KCNQ1: variants seen among roughly 807,000 people sequenced by gnomAD.
KCNQ1 encodes the protein potassium voltage-gated channel subfamily KQT member 1.
KCNQ1 carries 49 observed loss-of-function variants against 72.4 expected under a neutral mutation model. The observed-to-expected ratio is 0.68, with a 90% confidence interval of 0.54 to 0.86. KCNQ1 has a LOEUF of 0.86. Among genes scored for constraint, KCNQ1 ranks in the 40% least tolerant of loss-of-function variants. The pLI is 0.00. For missense variants in KCNQ1, 790 were observed against 945.1 expected, an observed-to-expected ratio of 0.84 and a Z score of 2.15; for synonymous variants, 450 against 412.6, an observed-to-expected ratio of 1.09 and a Z score of -1.10.
At position 2,565,209 on chromosome 11, in the gene KCNQ1, C is replaced by T. The variant is rs1032811799; in HGVS notation, c.478-5419C>T. 1.3e-5 allele frequency among the ~76,000 whole-genome samples: 2 copies of T among 152,168 alleles called. No homozygotes were observed. The highest frequency in any genetic ancestry group is 2.4e-5 in the African/African-American group (1 of 41,440). On this transcript the variant is annotated intron_variant, in intron 2 of 15. Coordinates refer to ENST00000155840, the MANE Select transcript of KCNQ1 (RefSeq NM_000218.3). This position sits in a 1 kb window ranked among gnomAD's most constrained non-coding sequence, Gnocchi z 5.6. ...AAATCGAGCGGCTGGTCATTTCACG[C>T]TTTAAAGGAGCTGTGGCATTCTACA...
rs1450182098 is a variant in KCNQ1 at position 2,673,140 on chromosome 11, A to G, written c.1514+11059A>G. 1 of 398,524 alleles carries G rather than the reference A, an allele frequency of 2.5e-6. No homozygotes were observed. Among genetic ancestry groups the G allele is most frequent in the African/African-American group, 2.1e-5 (1 of 48,612 alleles). 24.7% of individuals were successfully genotyped at this position (398,524 alleles called of 1,614,324 possible). On this transcript the variant is annotated intron_variant, in intron 11 of 15. Transcript: ENST00000155840. This position sits in a 1 kb window ranked among gnomAD's most constrained non-coding sequence, Gnocchi z 4.5. ...AGGCAGCATCAGGGCAGGGGTGCTG[A>G]CCATCCCTGACCCAAGCACGAGGAT...
rs922473928 is a variant in KCNQ1, at chr11:2,652,730, A to C, written c.1394-9231A>C. On this transcript the variant is annotated intron_variant, in intron 10 of 15. Coordinates refer to ENST00000155840, the MANE Select transcript of KCNQ1 (RefSeq NM_000218.3). This position sits in a 1 kb window ranked among gnomAD's most constrained non-coding sequence, Gnocchi z 5.9. ...CCGTTTCCTGGGCTCACTCACGCTC[A>C]GGGTTGACCCTGTCCTGGCTCTGTC... 2.5e-6 allele frequency: 1 copy of C among 398,848 alleles called. No homozygotes were observed. Among genetic ancestry groups the C allele is most frequent in the East Asian group, 3.6e-5 (1 of 28,072 alleles). 24.7% of individuals were successfully genotyped at this position (398,848 alleles called of 1,614,324 possible).
chr11:2,823,876 G>A (rs1417805199), intron 15 of KCNQ1, among the ~76,000 whole-genome samples: 5 of 152,172 alleles, frequency 3.3e-5, no homozygotes, highest in Admixed American at 2.6e-4. Flanking sequence ...AGCCGAGGGT[G>A]GGGTGAGAGC....
chr11:2,475,731 G>A lies in KCNQ1; in HGVS notation c.386+30247G>A, dbSNP rs1034632821. 3.3e-5 allele frequency among the ~76,000 whole-genome samples: 5 copies of A among 152,130 alleles called. No homozygotes were observed. The highest frequency in any genetic ancestry group is 7.2e-5 in the African/African-American group (3 of 41,416). ...ACCTGGTGGGGGGTAATTGAATCAC[G>A]GGGACGAGTCTTTCCTGTGCTGTTC... On this transcript the variant is annotated intron_variant, in intron 1 of 15. Transcript: ENST00000155840. This position sits in a 1 kb window ranked among gnomAD's most constrained non-coding sequence, Gnocchi z 5.8.
In KCNQ1 at chr11:2,767,010, C is replaced by T. The variant is rs1022536892; in HGVS notation, c.1515-1834C>T. ...TAGCCAACATGATCAAACCCTGTCT[C>T]TACTAAAAATACAAAAATTAGCTGG... On this transcript the variant is annotated intron_variant, in intron 11 of 15. Transcript: ENST00000155840. The surrounding 1 kb of genome is among the most constrained non-coding windows in gnomAD (Gnocchi z 4.6). Among the ~76,000 whole-genome samples the T allele has an allele frequency of 6.6e-6, 1 of 152,134 alleles. No individual in the cohort carries two copies. Among genetic ancestry groups the T allele is most frequent in the Non-Finnish European group, 1.5e-5 (1 of 68,010 alleles).
chr11:2,564,957 G>C lies in KCNQ1; in HGVS notation c.478-5671G>C, dbSNP rs1848224812. On this transcript the variant is annotated intron_variant, in intron 2 of 15. Transcript: ENST00000155840. This position sits in a 1 kb window ranked among gnomAD's most constrained non-coding sequence, Gnocchi z 4.5. Reference sequence around the variant, plus strand: ...GCCAAATCCTATTCCGTGGTAGGGAGGGACCACATCTTCCGTCTCCGTCGG... The same window carrying C: ...GCCAAATCCTATTCCGTGGTAGGGACGGACCACATCTTCCGTCTCCGTCGG... Among the ~76,000 whole-genome samples the C allele has an allele frequency of 6.6e-6, 1 of 152,198 alleles. No individual in the cohort carries two copies. The highest frequency in any genetic ancestry group is 1.5e-5 in the Non-Finnish European group (1 of 68,042).
At chr11:2,700,248 G>T (rs1054863204) in intron 11 of KCNQ1, among the ~76,000 whole-genome samples, 1 of 152,148 alleles carries the variant, frequency 6.6e-6, no homozygotes, top group Non-Finnish European at 1.5e-5. Context: ...GGCGCGAGCC[G>T]CCGCCCTCCC....
At position 2,816,943 on chromosome 11, in the gene KCNQ1, G is replaced by T. The variant is rs1364705659; in HGVS notation, c.1795-30824G>T. 1.3e-5 allele frequency among the ~76,000 whole-genome samples: 2 copies of T among 152,068 alleles called. No individual in the cohort carries two copies. The highest frequency in any genetic ancestry group is 2.9e-5 in the Non-Finnish European group (2 of 67,974). Reference sequence around the variant, plus strand: ...ACCCCTGGGCAGTGGCTGCCCCTCTGCCTCTGGAGGTCCCCTCCAAAACCT... The same window carrying T: ...ACCCCTGGGCAGTGGCTGCCCCTCTTCCTCTGGAGGTCCCCTCCAAAACCT... On this transcript the variant is annotated intron_variant, in intron 15 of 15. Transcript: ENST00000155840. This position sits in a 1 kb window ranked among gnomAD's most constrained non-coding sequence, Gnocchi z 6.8.
chr11:2,576,211 T>C (rs911756288), intron 6 of KCNQ1, among the ~76,000 whole-genome samples: 1 of 152,164 alleles, frequency 6.6e-6, no homozygotes, highest in Non-Finnish European at 1.5e-5. Context: ...CCTGGGAAGG[T>C]CCCTCCCCTT....
intron 2 of KCNQ1, among the ~76,000 whole-genome samples, chr11:2,529,830 G>A (rs1056189292): frequency 1.3e-5 from 2 of 151,748 alleles, no homozygotes; most frequent in Non-Finnish European, 1.5e-5. Flanking sequence ...TTCTGTGGGC[G>A]GGCCGGCTGC....
At chr11:2,511,110 C>T (rs1485440412) in intron 1 of KCNQ1, among the ~76,000 whole-genome samples, 2 of 152,200 alleles carry the variant, frequency 1.3e-5, no homozygotes, top group East Asian at 1.9e-4. Context: ...ACCCCTGGAG[C>T]CCAGCGTGGT....
At chr11:2,628,909 A>G (rs1332206514) in intron 10 of KCNQ1, 2 of 398,266 alleles carry the variant, frequency 5.0e-6, no homozygotes, top group Non-Finnish European at 8.9e-6. Context: ...GTCTTTGTCA[A>G]AGATTAGTTG....
Position 2,602,969 on chromosome 11 carries a change from A to G in KCNQ1, c.1393+14115A>G, listed in dbSNP as rs934055305. Among the ~76,000 whole-genome samples the G allele has an allele frequency of 5.3e-5, 8 of 152,200 alleles. No individual in the cohort carries two copies. Among genetic ancestry groups the G allele is most frequent in the South Asian group, 2.1e-4 (1 of 4,824 alleles). ...GGATTACACTTCTGATGTCAGGTCT[A>G]AGAAGTCTTTGGCCCTGGACCCCAA... On this transcript the variant is annotated intron_variant, in intron 10 of 15. Coordinates refer to ENST00000155840, the MANE Select transcript of KCNQ1 (RefSeq NM_000218.3). The surrounding 1 kb of genome is among the most constrained non-coding windows in gnomAD (Gnocchi z 4.8).
At chr11:2,597,264 G>C (rs1848746159) in intron 10 of KCNQ1, among the ~76,000 whole-genome samples, 1 of 152,148 alleles carries the variant, frequency 6.6e-6, no homozygotes, top group Non-Finnish European at 1.5e-5. Context: ...ACAAACCTCT[G>C]TGGAGATAAA....
In KCNQ1 at chr11:2,602,254, G is replaced by T. The variant is rs1412948492; in HGVS notation, c.1393+13400G>T. Among the ~76,000 whole-genome samples the T allele has an allele frequency of 6.6e-6, 1 of 150,954 alleles. No homozygotes were observed. The highest frequency in any genetic ancestry group is 1.5e-5 in the Non-Finnish European group (1 of 67,924). On this transcript the variant is annotated intron_variant, in intron 10 of 15. Transcript: ENST00000155840. This position sits in a 1 kb window ranked among gnomAD's most constrained non-coding sequence, Gnocchi z 4.8. ...TTTTCGTCCCCTAAGACTCTTTTCA[G>T]ACTTCTGGCCTCTAGAACTGTGAGA...
At position 2,847,760 on chromosome 11, in the gene KCNQ1, C is replaced by A; in HGVS notation, c.1795-7C>A. 1 of 1,572,812 alleles carries A rather than the reference C, an allele frequency of 6.4e-7. No homozygotes were observed. Among genetic ancestry groups the A allele is most frequent in the African/African-American group, 1.3e-5 (1 of 74,284 alleles). On this transcript the variant is annotated splice_region_variant and splice_polypyrimidine_tract_variant and intron_variant, in intron 15 of 15. Transcript: ENST00000155840. ...ACTGACTCTCTCGTCTGCCTTTGTC[C>A]CCGCAGGTGACGCAGCTGGACCAGA...
At chr11:2,833,057 C>T (rs1490510830) in intron 15 of KCNQ1, among the ~76,000 whole-genome samples, 1 of 152,174 alleles carries the variant, frequency 6.6e-6, no homozygotes, top group East Asian at 1.9e-4. Flanking sequence ...AAGGACTGCC[C>T]ACCAGACCAG....
rs1382103791 is a variant in KCNQ1, at chr11:2,626,804, A to G, written c.1394-35157A>G. ...CAGCCTTCAAAAGTGCTGAGATTAC[A>G]GGTGTAGGCCATTGTACCTGGCCTG... On this transcript the variant is annotated intron_variant, in intron 10 of 15. Coordinates refer to ENST00000155840, the MANE Select transcript of KCNQ1 (RefSeq NM_000218.3). This position sits in a 1 kb window ranked among gnomAD's most constrained non-coding sequence, Gnocchi z 4.0. 1 of 398,504 alleles carries G rather than the reference A, an allele frequency of 2.5e-6. No individual in the cohort carries two copies. Among genetic ancestry groups the G allele is most frequent in the African/African-American group, 2.1e-5 (1 of 48,618 alleles). 24.7% of individuals were successfully genotyped at this position (398,504 alleles called of 1,614,324 possible). A position where few individuals can be genotyped will look rare whatever the true frequency, so the allele number is the denominator to read the frequency against.
intron 10 of KCNQ1, chr11:2,655,670 A>G (rs1256988556): frequency 4.6e-5 from 18 of 395,258 alleles, no homozygotes; most frequent in Non-Finnish European, 7.5e-5. Flanking sequence ...GAAAGAGCTG[A>G]ATCCCCACCC....
Sources: gnomAD v4.1 joint callset for allele counts (sites outside exome capture counted in the v4.1 genomes callset) on GRCh38, gnomAD v4.1.1 for gene constraint, Gnocchi (gnomAD v3.1) non-coding constraint, MANE v1.5 for transcripts, NCBI Gene and HGNC (gene_info 2026-07-23, HGNC 2026-07-21) for gene names.